CDH10: variants seen among roughly 807,000 people sequenced by gnomAD.
CDH10 encodes the protein cadherin 10.
A neutral mutation model predicts 73.1 loss-of-function variants in CDH10; 30 were observed. The observed-to-expected ratio is 0.41, with a 90% CI of 0.31 to 0.56. The LOEUF is 0.56. Among genes scored for constraint, CDH10 ranks in the 20% least tolerant of loss-of-function variants. The pLI is 0.27. For missense variants in CDH10, 815 were observed against 973.7 expected (o/e 0.84, Z 2.17); for synonymous variants, 345 against 348.2 (o/e 0.99, Z 0.10).
chr5:24,579,379 A>T (rs1745711756), intron 2 of CDH10, among the ~76,000 whole-genome samples: 1 of 143,630 alleles, frequency 7.0e-6, no homozygotes, highest in Non-Finnish European at 1.5e-5. Flanking sequence ...ACATCTATGT[A>T]TATAGATATA....
chr5:24,630,013 T>C (rs539312100), intron 1 of CDH10, among the ~76,000 whole-genome samples: 1 of 152,262 alleles, frequency 6.6e-6, no homozygotes, highest in East Asian at 1.9e-4. Flanking sequence ...GTTCTACTTA[T>C]ATGGTGCATG....
At chr5:24,570,013 GC>G (rs1745314799) in intron 2 of CDH10, among the ~76,000 whole-genome samples, 1 of 151,842 alleles carries the variant, frequency 6.6e-6, no homozygotes, top group Admixed American at 6.6e-5. Context: ...TGATCTGCCC[GC>G]CTCAGCCTCT....
At chr5:24,596,478 A>T (rs1746375373) in intron 1 of CDH10, among the ~76,000 whole-genome samples, 1 of 151,782 alleles carries the variant, frequency 6.6e-6, no homozygotes. Flanking sequence ...AATCTTTCTT[A>T]TTTAAAATAT....
chr5:24,564,692 T>C (rs1745103412), intron 2 of CDH10, among the ~76,000 whole-genome samples: 1 of 152,172 alleles, frequency 6.6e-6, no homozygotes, highest in African/African-American at 2.4e-5. Flanking sequence ...GTGATTCTAA[T>C]TTTCTTCCTT....
intron 1 of CDH10, among the ~76,000 whole-genome samples, chr5:24,599,412 C>A (rs1268056744): frequency 3.3e-5 from 5 of 152,018 alleles, no homozygotes; most frequent in African/African-American, 7.2e-5. Context: ...ATTATTAGGA[C>A]ATCAAGAAAA....
intron 5 of CDH10, 102 bp downstream of exon 5, chr5:24,535,010 T>G: frequency 9.2e-7 from 1 of 1,083,950 alleles, no homozygotes; most frequent in Non-Finnish European, 1.3e-6. Flanking sequence ...TGTTTTAAAT[T>G]AAATGAATGA....
At chr5:24,518,693 G>GA (rs561710102) in intron 5 of CDH10, among the ~76,000 whole-genome samples, 245 of 151,908 alleles carry the variant, frequency 1.6e-3, no homozygotes, top group Middle Eastern at 0.01. Context: ...TGAATATCAT[G>GA]TTTTTTTCCC....
intron 1 of CDH10, among the ~76,000 whole-genome samples, chr5:24,605,916 T>C (rs1318556576): frequency 6.6e-6 from 1 of 152,178 alleles, no homozygotes; most frequent in East Asian, 1.9e-4. Context: ...GATGAATCAA[T>C]TGACACACGG....
At chr5:24,580,017 C>T (rs999559106) in intron 2 of CDH10, among the ~76,000 whole-genome samples, 4 of 152,134 alleles carry the variant, frequency 2.6e-5, no homozygotes, top group Non-Finnish European at 5.9e-5. Context: ...TTATAGTCTC[C>T]AGTTGCTAAG....
Position 24,593,334 on chromosome 5 carries a change from T to G in CDH10, c.157A>C (p.Lys53Gln). The G allele has an allele frequency of 6.2e-7, 1 of 1,613,216 alleles. No individual in the cohort carries two copies. The highest frequency in any genetic ancestry group is 8.5e-7 in the Non-Finnish European group (1 of 1,179,294). ...RSDGKILHRQ[K>Q]RGWMWNQFFL... ...AATTGATTCCACATCCAACCACGTTTTTGACGATGGAGAATTTTGCCATCA... is the reference window on the plus strand; with the variant it reads ...AATTGATTCCACATCCAACCACGTTGTTGACGATGGAGAATTTTGCCATCA... The change falls in exon 2 of 12, where the codon AAA becomes CAA. Residue 53 changes from lysine to glutamine, a missense_variant. By Grantham distance (53) the Lys-to-Gln change is moderately conservative. Around this residue, in one of 3 missense-constraint regions of CDH10, gnomAD observed 58 missense variants for 96.7 expected, o/e 0.60. Transcript: ENST00000264463.
At position 24,545,601 on chromosome 5, in the gene CDH10, G is replaced by A. The variant is rs1744310101; in HGVS notation, c.232-7927C>T. ...AAACCAAGGCAGAAGGATCTTTTGA[G>A]GCCAGGAGATCAAGACCAGTCTAGG... On this transcript the variant is annotated intron_variant, in intron 2 of 11. Coordinates refer to ENST00000264463, the MANE Select transcript of CDH10 (RefSeq NM_006727.5). Among the ~76,000 whole-genome samples the A allele has an allele frequency of 2.0e-5, 3 of 151,964 alleles. No homozygotes were observed. In the South Asian group the frequency reaches 6.2e-4, roughly 32 times the overall value.
At chr5:24,502,966 A>T (rs7711192) in intron 8 of CDH10, among the ~76,000 whole-genome samples, 64,884 of 152,004 alleles carry the variant, frequency 0.43, 14,255 homozygotes, top group East Asian at 0.58. Context: ...ATAGCAATTA[A>T]ATGGAGAGAA....
chr5:24,505,348 G>A (rs985039983), intron 7 of CDH10, 100 bp from the exon 8 acceptor site: 3 of 911,570 alleles, frequency 3.3e-6, no homozygotes, highest in Non-Finnish European at 5.4e-6. Flanking sequence ...GATAATTACA[G>A]GAAAGAACAC....
At chr5:24,489,773 C>T (rs1741981873) in intron 11 of CDH10, among the ~76,000 whole-genome samples, 1 of 151,936 alleles carries the variant, frequency 6.6e-6, no homozygotes, top group South Asian at 2.1e-4. Context: ...AATGAATTAT[C>T]ATTGTTTGGG....
chr5:24,571,395 C>T (rs1441045196), intron 2 of CDH10, among the ~76,000 whole-genome samples: 1 of 151,894 alleles, frequency 6.6e-6, no homozygotes, highest in Non-Finnish European at 1.5e-5. Context: ...CAGGGGTCAA[C>T]AGTAAGAAAA....
intron 2 of CDH10, among the ~76,000 whole-genome samples, chr5:24,592,561 AGT>A (rs1746236262): frequency 6.6e-6 from 1 of 151,916 alleles, no homozygotes; most frequent in Non-Finnish European, 1.5e-5. Flanking sequence ...AGCATTCATT[AGT>A]ACTTTTATGT....
intron 4 of CDH10, 98 bp downstream of exon 4, chr5:24,535,605 T>C (rs1743921657): frequency 9.4e-7 from 1 of 1,064,862 alleles, no homozygotes; most frequent in Non-Finnish European, 1.4e-6. Context: ...TCTGTGAGTA[T>C]TAATGTTAAG....
chr5:24,618,925 C>CA (rs1465835991), intron 1 of CDH10, among the ~76,000 whole-genome samples: 1 of 152,172 alleles, frequency 6.6e-6, no homozygotes, highest in Non-Finnish European at 1.5e-5. Flanking sequence ...CTATGTCAAA[C>CA]ATCTGATTTT....
chr5:24,600,691 C>A lies in CDH10; in HGVS notation c.-123-7078G>T, dbSNP rs148338002. 2.1e-3 allele frequency among the ~76,000 whole-genome samples: 325 copies of A among 151,908 alleles called. 1 individual carries two copies. The highest frequency in any genetic ancestry group is 7.2e-3 in the African/African-American group (297 of 41,412). Reference sequence around the variant, plus strand: ...GGAGTTAAAATGAGTTGTGGCAACACAAGAGAGAAAGTGCGTTTCATGAAT... The same window carrying A: ...GGAGTTAAAATGAGTTGTGGCAACAAAAGAGAGAAAGTGCGTTTCATGAAT... On this transcript the variant is annotated intron_variant, in intron 1 of 11. Transcript: ENST00000264463.
Sources: allele counts gnomAD v4.1 joint callset (sites outside exome capture counted in the v4.1 genomes callset), GRCh38; gene constraint gnomAD v4.1.1; regional missense constraint gnomAD v4.1.1; transcripts MANE v1.5; gene names NCBI Gene and HGNC (gene_info 2026-07-23, HGNC 2026-07-21).